The following AMACR variants were observed in gnomAD, a reference collection of about 807,000 sequenced individuals.
AMACR encodes alpha-methylacyl-CoA racemase.
A neutral mutation model predicts 22.2 loss-of-function variants in AMACR; 18 were observed. The ratio of observed to expected loss-of-function variants is 0.81; its 90% CI spans 0.56 to 1.20. The LOEUF is 1.20. Among genes scored for constraint, AMACR ranks in the 50% most tolerant of loss-of-function variants. The pLI is 0.00. For missense variants in AMACR, 499 were observed against 490.6 expected (o/e 1.02, Z -0.16); for synonymous variants, 213 against 191.3 (o/e 1.11, Z -0.94).
intron 1 of AMACR, among the ~76,000 whole-genome samples, chr5:34,006,300 C>T (rs941576706): frequency 6.6e-5 from 10 of 152,168 alleles, no homozygotes; most frequent in Admixed American, 2.0e-4. Context: ...GCTCCTCCTG[C>T]AGAATTTACA....
At chr5:33,997,853 AAAAGTCATTCCAGCTAT>A (rs1753691413) in intron 4 of AMACR, 1 of 332,824 alleles carries the variant, frequency 3.0e-6, no homozygotes, top group African/African-American at 2.1e-5. Flanking sequence ...AAAATTTAAA[AAAAGTCATTCCAGCTAT>A]ATGCAAATAA....
At chr5:33,997,608 A>T (rs192517324) in intron 4 of AMACR, 1 of 731,276 alleles carries the variant, frequency 1.4e-6, no homozygotes, top group African/African-American at 1.7e-5. Context: ...ACAGAGCTCC[A>T]CCAGAGCATC....
At chr5:34,004,832 A>T in intron 2 of AMACR, 98 bp from the exon 3 acceptor site, 1 of 1,388,608 alleles carries the variant, frequency 7.2e-7, no homozygotes, top group Non-Finnish European at 1.0e-6. Context: ...TCTCTCCAGC[A>T]GATAATCTAA....
intron 3 of AMACR, 34 bp downstream of exon 3, chr5:34,004,540 C>A (rs756635815): frequency 2.1e-5 from 34 of 1,613,734 alleles, no homozygotes; most frequent in Non-Finnish European, 2.7e-5. Context: ...AACTTAGGGA[C>A]AAGTGGCAGG....
In AMACR at chr5:34,007,686, G is replaced by A. The variant is rs1010398677; in HGVS notation, c.247+87C>T. 16 of 1,443,928 alleles carry A rather than the reference G, an allele frequency of 1.1e-5. No individual in the cohort carries two copies. The Admixed American group carries it at 2.0e-4, about 18-fold the overall frequency. 89.4% of individuals were successfully genotyped at this position (1,443,928 alleles called of 1,614,324 possible). A position where few individuals can be genotyped will look rare whatever the true frequency, so the allele number is the denominator to read the frequency against. The stretch of plus-strand genomic sequence containing the variant: ...GGGTTCTTGCGGCAACAGGGCAAAG[G>A]TGTGGCGGGTGCAGCCTCGATCGAA... On this transcript the variant is annotated intron_variant, in intron 1 of 4. Coordinates refer to ENST00000335606, the MANE Select transcript of AMACR (RefSeq NM_014324.6).
intron 4 of AMACR, among the ~76,000 whole-genome samples, chr5:33,991,069 T>C (rs1480379495): frequency 6.6e-6 from 1 of 152,264 alleles, no homozygotes; most frequent in African/African-American, 2.4e-5. Flanking sequence ...CACATGCTTT[T>C]AAAACAGTTT....
At chr5:34,003,964 TAA>T (rs923048146) in intron 3 of AMACR, among the ~76,000 whole-genome samples, 1 of 152,210 alleles carries the variant, frequency 6.6e-6, no homozygotes, top group Admixed American at 6.5e-5. Flanking sequence ...CCCTCCTCTT[TAA>T]AACAACAAGG....
intron 3 of AMACR, 139 bp from the exon 4 acceptor site, chr5:33,998,966 C>T: frequency 1.3e-6 from 1 of 755,016 alleles, no homozygotes; most frequent in Non-Finnish European, 2.2e-6. Context: ...AATTACACAA[C>T]TTCTCTGGTA....
chr5:33,997,692 T>C, intron 4 of AMACR: 1 of 642,506 alleles, frequency 1.6e-6, no homozygotes, highest in South Asian at 1.9e-5. Flanking sequence ...GACAGAGAGG[T>C]ACCCTTTATG....
chr5:33,992,167 C>A (rs1450584142), intron 4 of AMACR, among the ~76,000 whole-genome samples: 3 of 151,870 alleles, frequency 2.0e-5, no homozygotes, highest in Non-Finnish European at 4.4e-5. Context: ...GTGTGAGCCA[C>A]CACACCCGGC....
chr5:33,997,719 G>A (rs1191526799), intron 4 of AMACR: 2 of 585,964 alleles, frequency 3.4e-6, no homozygotes, highest in South Asian at 4.8e-5. Context: ...ATAAACCATT[G>A]TGTTCTTCTA....
chr5:34,002,124 G>T (rs981319587), intron 3 of AMACR, among the ~76,000 whole-genome samples: 10 of 152,108 alleles, frequency 6.6e-5, no homozygotes, highest in Non-Finnish European at 1.5e-4. Context: ...AGCCTCCCAG[G>T]GAGCTGGGAC....
chr5:33,997,487 T>C (rs772688131), intron 4 of AMACR: 27 of 779,854 alleles, frequency 3.5e-5, no homozygotes, highest in East Asian at 2.2e-4. Context: ...CTGCTTCCTG[T>C]TGTATTTTCA....
rs150799056 is a variant in AMACR at position 34,005,991 on chromosome 5, C to G, written c.248-92G>C. On this transcript the variant is annotated intron_variant, in intron 1 of 4. Coordinates refer to ENST00000335606, the MANE Select transcript of AMACR (RefSeq NM_014324.6). ...AGACAAACATAAAATAGCACCATTG[C>G]AAGTAATATTAATAACATTTGCTGT... 5.3e-4 allele frequency: 768 copies of G among 1,438,210 alleles called. 3 individuals are homozygous for G. In the African/African-American group the frequency reaches 9.9e-3, roughly 18 times the overall value. The allele number at this position is 1,438,210 out of a possible 1,614,324, so 89.1% of individuals were successfully genotyped here.
intron 3 of AMACR, among the ~76,000 whole-genome samples, chr5:34,004,326 G>A (rs555492043): frequency 8.5e-5 from 13 of 152,302 alleles, no homozygotes; most frequent in South Asian, 2.1e-4. Flanking sequence ...CTAAAACAAC[G>A]TAGGAATCAC....
intron 2 of AMACR, 145 bp from the exon 3 acceptor site, chr5:34,004,879 CT>C: frequency 2.1e-6 from 2 of 960,446 alleles, no homozygotes; most frequent in Non-Finnish European, 3.1e-6. Context: ...CAAATCTGAG[CT>C]TAGTCAGTAA....
chr5:33,991,026 T>C (rs78751050), intron 4 of AMACR, among the ~76,000 whole-genome samples: 2 of 152,232 alleles, frequency 1.3e-5, no homozygotes, highest in Admixed American at 1.3e-4. Context: ...GAAAGGCACA[T>C]AAAATGAGCA....
In AMACR at chr5:33,999,123, G is replaced by A. The variant is rs189003824; in HGVS notation, c.553-296C>T. ...CAAAATGCTAGTGATTTAGCTAGGT[G>A]AGGGTACATGGAAGGTCACTATACT... On this transcript the variant is annotated intron_variant, in intron 3 of 4. Coordinates refer to ENST00000335606, the MANE Select transcript of AMACR (RefSeq NM_014324.6). Among the ~76,000 whole-genome samples the A allele has an allele frequency of 1.1e-3, 163 of 152,318 alleles. 3 individuals are homozygous for A. The highest frequency in any genetic ancestry group is 1.5e-3 in the Non-Finnish European group (99 of 68,014).
At chr5:34,004,846 A>G (rs911725988) in intron 2 of AMACR, 112 bp from the exon 3 acceptor site, 3 of 1,289,558 alleles carry the variant, frequency 2.3e-6, no homozygotes, top group African/African-American at 1.5e-5. Flanking sequence ...AATCTAAGTG[A>G]AAGCTAGTAT....
Sources: allele counts gnomAD v4.1 joint callset (sites outside exome capture counted in the v4.1 genomes callset), GRCh38; gene constraint gnomAD v4.1.1; transcripts MANE v1.5; gene names NCBI Gene and HGNC (gene_info 2026-07-23, HGNC 2026-07-21).